The following ARID1B variants were observed in gnomAD, a reference collection of about 807,000 sequenced individuals.
ARID1B encodes AT-rich interaction domain 1B, also known as AT-rich interactive domain-containing protein 1B.
Under a neutral mutation model 212.3 loss-of-function variants are expected in ARID1B, and 30 were observed. The ratio of observed to expected loss-of-function variants is 0.14; its 90% CI spans 0.11 to 0.19. ARID1B has a LOEUF of 0.19. Ranked by LOEUF, ARID1B falls within the 10% of genes least tolerant of loss-of-function variation. The probability of loss-of-function intolerance (pLI) is 1.00; values close to 1 mark genes in which losing one functional copy is unlikely to be tolerated. For missense variants in ARID1B, 2,891 were observed against 3,204.0 expected (o/e 0.90, Z 2.36); for synonymous variants, 1,402 against 1,301.7 (o/e 1.08, Z -1.66).
chr6:157,039,743 C>CCCTT (rs71027322), intron 4 of ARID1B, among the ~76,000 whole-genome samples: 50,571 of 91,596 alleles, frequency 0.55, 14,127 homozygotes, highest in East Asian at 0.68. Context: ...CTCCCTCCCT[C>CCCTT]CCTTCCTTCC....
At chr6:156,982,356 G>A (rs117920357) in intron 4 of ARID1B, among the ~76,000 whole-genome samples, 2 of 150,770 alleles carry the variant, frequency 1.3e-5, no homozygotes, top group East Asian at 3.9e-4. Flanking sequence ...CTTTCTTTCT[G>A]TGTGATCCTG....
chr6:156,783,162 A>G (rs191386910), intron 1 of ARID1B, among the ~76,000 whole-genome samples: 2 of 152,066 alleles, frequency 1.3e-5, no homozygotes, highest in Non-Finnish European at 2.9e-5. Flanking sequence ...AATTTTTGGC[A>G]AGGCTTTTTA....
chr6:157,171,075 G>A (rs1791687374), intron 9 of ARID1B, among the ~76,000 whole-genome samples: 1 of 152,238 alleles, frequency 6.6e-6, no homozygotes, highest in Non-Finnish European at 1.5e-5. Context: ...TAAAGGAAGA[G>A]GAAGAAAGCA....
intron 9 of ARID1B, chr6:157,167,808 G>A (rs1293054996): frequency 2.6e-5 from 4 of 152,444 alleles, no homozygotes; most frequent in Admixed American, 1.3e-4. Context: ...AAAATATCAA[G>A]AGTGTCTGAG....
intron 4 of ARID1B, among the ~76,000 whole-genome samples, chr6:156,971,507 T>C (rs1242214718): frequency 2.0e-5 from 3 of 152,172 alleles, no homozygotes; most frequent in Non-Finnish European, 4.4e-5. Flanking sequence ...TGGGAGTGTG[T>C]TCCTTTACTA....
At chr6:157,174,793 A>C in intron 10 of ARID1B, 54 bp from the exon 11 acceptor site, 1 of 1,382,928 alleles carries the variant, frequency 7.2e-7, no homozygotes, top group East Asian at 2.7e-5. Context: ...TGTTATTTTA[A>C]ATAAAGTTTG....
chr6:156,928,140 G>A (rs192313448), intron 3 of ARID1B, among the ~76,000 whole-genome samples: 3 of 152,280 alleles, frequency 2.0e-5, no homozygotes, highest in Admixed American at 6.5e-5. Context: ...CCCTGGGGCC[G>A]GCCCTGTAGA....
chr6:156,810,715 C>A (rs1244543134), intron 1 of ARID1B, among the ~76,000 whole-genome samples: 1 of 152,184 alleles, frequency 6.6e-6, no homozygotes, highest in Non-Finnish European at 1.5e-5. Context: ...CCAATAACTT[C>A]TGGAATCGTG....
chr6:156,897,252 C>CTTA lies in ARID1B; in HGVS notation c.1987-4122_1987-4121insATT, dbSNP rs1351964431. Among the ~76,000 whole-genome samples the CTTA allele has an allele frequency of 3.0e-3, 287 of 96,738 alleles. 1 individual carries two copies. Among genetic ancestry groups the CTTA allele is most frequent in the African/African-American group, 5.6e-3 (158 of 28,150 alleles). The allele number at this position is 96,738 out of a possible 152,430, so 63.5% of individuals were successfully genotyped here. A position where few individuals can be genotyped will look rare whatever the true frequency, so the allele number is the denominator to read the frequency against. On this transcript the variant is annotated intron_variant, in intron 2 of 19. Coordinates refer to ENST00000636930, the MANE Select transcript of ARID1B (RefSeq NM_001374828.1). ...TCTTCTTCTTCTTCTTCTTCTTCTT[C>CTTA]TTCTTCTTCTTCTTATTATTATTAT...
chr6:156,880,751 A>G (rs1252699238), intron 2 of ARID1B, among the ~76,000 whole-genome samples: 4 of 95,260 alleles, frequency 4.2e-5, no homozygotes, highest in Non-Finnish European at 9.3e-5. Context: ...AAAAAAAAAA[A>G]AAAAAAAAAA....
At chr6:156,961,143 C>A (rs1794344322) in intron 4 of ARID1B, among the ~76,000 whole-genome samples, 1 of 152,178 alleles carries the variant, frequency 6.6e-6, no homozygotes, top group African/African-American at 2.4e-5. Flanking sequence ...CAGCTTACTC[C>A]AGAAAGAAGG....
At chr6:156,833,042 T>TC (rs1783253675) in intron 2 of ARID1B, among the ~76,000 whole-genome samples, 1 of 152,160 alleles carries the variant, frequency 6.6e-6, no homozygotes, top group Admixed American at 6.5e-5. Flanking sequence ...TTTGTTGAGT[T>TC]CAGGGGGGAA....
intron 4 of ARID1B, chr6:156,939,987 A>T (rs1037168117): frequency 6.6e-6 from 1 of 152,222 alleles, no homozygotes; most frequent in Non-Finnish European, 1.5e-5. Flanking sequence ...AACACTATAT[A>T]AGCACTTTCT....
intron 3 of ARID1B, among the ~76,000 whole-genome samples, chr6:156,905,250 GCA>G (rs138326649): frequency 0.017 from 2,494 of 143,548 alleles, 30 homozygotes; most frequent in Admixed American, 0.037. Context: ...ACATATGCAC[GCA>G]CACACACACA....
At chr6:156,836,488 C>G (rs1783520793) in intron 2 of ARID1B, among the ~76,000 whole-genome samples, 1 of 152,082 alleles carries the variant, frequency 6.6e-6, no homozygotes, top group Non-Finnish European at 1.5e-5. Context: ...GGCCCAGAAC[C>G]AGGAGCTGGG....
chr6:157,154,827 C>T (rs148796120), intron 8 of ARID1B, among the ~76,000 whole-genome samples: 1,585 of 152,142 alleles, frequency 0.01, 23 homozygotes, highest in African/African-American at 0.035. Flanking sequence ...GTGATCCACC[C>T]GCCTCGGCCT....
Position 156,780,986 on chromosome 6 carries a change from C to T in ARID1B, c.1791+1515C>T, listed in dbSNP as rs114960090. Among the ~76,000 whole-genome samples, 365 of 152,190 alleles carry T rather than the reference C, an allele frequency of 2.4e-3. 2 individuals carry two copies. The highest frequency in any genetic ancestry group is 7.9e-3 in the African/African-American group (329 of 41,518). On this transcript the variant is annotated intron_variant, in intron 1 of 19. Coordinates refer to ENST00000636930, the MANE Select transcript of ARID1B (RefSeq NM_001374828.1). ...GTCAGCACACGCAGCTTAATAAAAC[C>T]TTAAAATTTTTTTAAGATTTTGATA... is the stretch of plus-strand genomic sequence containing the variant.
chr6:157,003,747 AG>A (rs1458875465), intron 4 of ARID1B, among the ~76,000 whole-genome samples: 2 of 152,184 alleles, frequency 1.3e-5, no homozygotes, highest in Non-Finnish European at 2.9e-5. Context: ...GGGGTGCAGT[AG>A]CACCATCATA....
intron 4 of ARID1B, among the ~76,000 whole-genome samples, chr6:157,061,505 G>C (rs1783340105): frequency 6.6e-6 from 1 of 151,900 alleles, no homozygotes; most frequent in African/African-American, 2.4e-5. Flanking sequence ...GGAGGAGTTC[G>C]GGCAGTGGGC....
Sources: gnomAD v4.1 joint callset for allele counts (sites outside exome capture counted in the v4.1 genomes callset) on GRCh38, gnomAD v4.1.1 for gene constraint, MANE v1.5 for transcripts, NCBI Gene and HGNC (gene_info 2026-07-23, HGNC 2026-07-21) for gene names.